Variants in MYH4 observed in about 807,000 individuals in gnomAD.
MYH4 encodes the protein myosin-4.
In MYH4, 200 loss-of-function variants were observed where a neutral mutation model predicts 229.9. That is an observed-to-expected ratio of 0.87 (90% CI 0.78 to 0.98). The LOEUF is 0.98. Ranked by LOEUF, MYH4 falls within the 50% of genes least tolerant of loss-of-function variation. MYH4 has a pLI of 0.00. For missense variants in MYH4, 2,148 were observed against 2,332.6 expected (o/e 0.92, Z 1.63); for synonymous variants, 761 against 834.6 (o/e 0.91, Z 1.52).
intron 5 of MYH4, 24 bp from the exon 6 acceptor site, chr17:10,464,732 A>G (rs754466128): frequency 6.2e-7 from 1 of 1,610,086 alleles, no homozygotes; most frequent in Non-Finnish European, 8.5e-7. Flanking sequence ...GCCAAAGATA[A>G]TATTTAGAAA....
At chr17:10,456,406 A>G in intron 17 of MYH4, 79 bp downstream of exon 17, 2 of 1,184,164 alleles carry the variant, frequency 1.7e-6, no homozygotes, top group South Asian at 1.4e-5. Flanking sequence ...CACCATAAAT[A>G]TCTTTTAAAA....
intron 8 of MYH4, 68 bp downstream of exon 8, chr17:10,463,483 A>G: frequency 6.3e-7 from 1 of 1,577,536 alleles, no homozygotes; most frequent in Non-Finnish European, 8.7e-7. Context: ...AGGTGGAAAA[A>G]ATATTGACAC....
chr17:10,445,304 C>A lies in MYH4; in HGVS notation c.5228G>T (p.Gly1743Val). The A allele has an allele frequency of 6.2e-7, 1 of 1,614,136 alleles. No individual in the cohort carries two copies. Residue 1743 changes from glycine (G) to valine (V), a missense_variant, in exon 36 of 40, where the codon GGA becomes GTA. Coordinates refer to ENST00000255381, the MANE Select transcript of MYH4 (RefSeq NM_017533.2). ...TTCCTGGACGATGTCCTCCATCTCT[C>A]CCTGGATTTGGGAAATGTCTGTTTC... Reference protein sequence around the residue: ...KLETDISQIQGEMEDIVQEAR... With the variant: ...KLETDISQIQVEMEDIVQEAR...
In MYH4 at chr17:10,453,974, A is replaced by G. The variant is rs919394508; in HGVS notation, c.2692-89T>C. 5 of 1,540,148 alleles carry G rather than the reference A, an allele frequency of 3.2e-6. No individual in the cohort carries two copies. The African/African-American group carries it at 6.9e-5, about 21-fold the overall frequency. ...TTATAAGGTGGAAATTTCAGTGACT[A>G]CCTGTTTGGTCAACATGTATACCAG... On this transcript the variant is annotated intron_variant, in intron 22 of 39. Transcript: ENST00000255381.
Position 10,450,482 on chromosome 17 carries a change from G to A in MYH4, c.4152C>T (p.Ile1384=). The change falls in exon 30 of 40, where the codon ATC becomes ATT. Residue 1384 remains isoleucine (I), a synonymous_variant. Coordinates refer to ENST00000255381, the MANE Select transcript of MYH4 (RefSeq NM_017533.2). ...QWRTKYETDA[I]QRTEELEEAK... ...CCTCCTCCAGCTCCTCTGTGCGCTG[G>A]ATGGCGTCCGTCTCGTACTTGGTCC... is the stretch of plus-strand genomic sequence containing the variant. 1 of 1,613,972 alleles carries A rather than the reference G, an allele frequency of 6.2e-7. No individual in the cohort carries two copies. Among genetic ancestry groups the A allele is most frequent in the Middle Eastern group, 1.7e-4 (1 of 6,056 alleles).
rs781080342 is a variant in MYH4, at chr17:10,466,709, C to A, written c.37G>T (p.Ala13Ser). 6.2e-7 allele frequency: 1 copy of A among 1,614,218 alleles called. No homozygotes were observed. The highest frequency in any genetic ancestry group is 2.2e-5 in the East Asian group (1 of 44,892). ...TCAGACTTTCGGAGGAAAGGAGCAGCCTCCCCAAAAATGGCCATCTCAGAG... is the reference window on the plus strand; with the variant it reads ...TCAGACTTTCGGAGGAAAGGAGCAGACTCCCCAAAAATGGCCATCTCAGAG... Reference protein sequence around the residue: ...SDSEMAIFGEAAPFLRKSEKE... With the variant: ...SDSEMAIFGESAPFLRKSEKE... Residue 13 changes from alanine to serine, a missense_variant, in exon 3 of 40, where the codon GCT (alanine) becomes TCT (serine). Coordinates refer to ENST00000255381, the MANE Select transcript of MYH4 (RefSeq NM_017533.2).
intron 14 of MYH4, 130 bp downstream of exon 14, chr17:10,459,822 A>G (rs1454220762): frequency 3.2e-6 from 5 of 1,539,672 alleles, no homozygotes; most frequent in Non-Finnish European, 3.5e-6. Flanking sequence ...TACTTTTCAT[A>G]TCTTTTCAAA....
Position 10,454,729 on chromosome 17 carries a change from CT to C in MYH4, c.2516del (p.Lys839ArgfsTer18). On this transcript the variant is annotated frameshift_variant, in exon 22 of 40. Coordinates refer to ENST00000255381, the MANE Select transcript of MYH4 (RefSeq NM_017533.2). LOFTEE classifies it high-confidence loss of function. ...KHWPWMKLYF[K>X]IKPLLKSAET... ...CTGCACTCTTGAGGAGGGGCTTGAT[CT>C]TGAAATACAGCTTCATCCAGGGCCA... The C allele has an allele frequency of 6.2e-7, 1 of 1,614,174 alleles. No homozygotes were observed. The highest frequency in any genetic ancestry group is 1.1e-5 in the South Asian group (1 of 91,076).
chr17:10,453,233 GGTC>G lies in MYH4; in HGVS notation c.3027_3029del (p.Gln1009_Thr1010delinsHis). 6.2e-7 allele frequency: 1 copy of G among 1,613,968 alleles called. No individual in the cohort carries two copies. The highest frequency in any genetic ancestry group is 2.2e-5 in the East Asian group (1 of 44,860). On this transcript the variant is annotated inframe_deletion, in exon 24 of 40. Transcript: ENST00000255381. Reference sequence around the variant, plus strand: ...CCTCCTCCATCTGCAGGTCATCCAGGGTCTGCTGGTGGGCCTCCTGGAGAGCCT... The same window carrying G: ...CCTCCTCCATCTGCAGGTCATCCAGGTGCTGGTGGGCCTCCTGGAGAGCCT...
At chr17:10,450,932 G>T (rs569457163) in intron 28 of MYH4, 37 bp from the exon 29 acceptor site, 4 of 1,485,470 alleles carry the variant, frequency 2.7e-6, no homozygotes, top group Middle Eastern at 1.7e-4. Flanking sequence ...TAGTTCTGTT[G>T]TCTAGGTAAA....
rs2072492458 is a variant in MYH4 at position 10,444,820 on chromosome 17, C to T, written c.5546G>A (p.Arg1849Lys). The T allele has an allele frequency of 1.2e-6, 2 of 1,614,114 alleles. No homozygotes were observed. The highest frequency in any genetic ancestry group is 1.1e-5 in the South Asian group (1 of 91,080). The part of the protein sequence containing the change: ...EAVKGLRKHE[R>K]RVKELTYQTE... ...CTGGTAAGTGAGTTCCTTCACTCTT[C>T]TCTCATGTTTGCGAAGACCCTTGAC... The change falls in exon 38 of 40, where the codon AGA becomes AAA. Residue 1849 changes from arginine (R) to lysine (K), a missense_variant. Transcript: ENST00000255381.
At position 10,453,875 on chromosome 17, in the gene MYH4, G is replaced by A. The variant is rs1283738337; in HGVS notation, c.2702C>T (p.Ala901Val). The A allele has an allele frequency of 1.2e-6, 2 of 1,613,838 alleles. No homozygotes were observed. The highest frequency in any genetic ancestry group is 1.1e-5 in the South Asian group (1 of 91,068). ...ACATCTTTCCTCTGCATCAGCCAAG[G>A]CATCTGCTTCCTAAAGGGAGAAATT... The part of the protein sequence containing the change: ...LQLQVQAEAD[A>V]LADAEERCDQ... Residue 901 changes from alanine (A) to valine (V), a missense_variant, in exon 23 of 40, where the codon GCC becomes GTC. Coordinates refer to ENST00000255381, the MANE Select transcript of MYH4 (RefSeq NM_017533.2).
intron 33 of MYH4, 127 bp downstream of exon 33, chr17:10,448,269 T>C (rs1178488274): frequency 1.5e-6 from 2 of 1,323,542 alleles, no homozygotes; most frequent in Non-Finnish European, 2.0e-6. Context: ...ATTCTCAAGG[T>C]ACAATTCAGT....
At position 10,451,329 on chromosome 17, in the gene MYH4, A is replaced by G; in HGVS notation, c.3862T>C (p.Ser1288Pro). Residue 1288 changes from serine to proline, a missense_variant, in exon 28 of 40, where the codon TCA (serine) becomes CCA (proline). Physicochemically the swap from Ser to Pro is moderately conservative, Grantham distance 74. Coordinates refer to ENST00000255381, the MANE Select transcript of MYH4 (RefSeq NM_017533.2). The stretch of plus-strand genomic sequence containing the variant: ...TTGATGCTATTTATTTACTGACCTG[A>G]TTCTGTGTGTAAACGTGCCTTCTGG... ...SAQKARLHTE[S>P]GEFSRQLDEK... 2 of 1,613,726 alleles carry G rather than the reference A, an allele frequency of 1.2e-6. No homozygotes were observed. The highest frequency in any genetic ancestry group is 1.7e-6 in the Non-Finnish European group (2 of 1,179,900).
Position 10,451,985 on chromosome 17 carries a change from T to G in MYH4, c.3694A>C (p.Ile1232Leu). The part of the protein sequence containing the change: ...EKEKSELKME[I>L]NDLASNMETV... ...TCCATGTTACTAGCAAGGTCATTGA[T>G]CTCCATCTTCAGCTCACTCTTTTCC... Residue 1232 changes from isoleucine (I) to leucine (L), a missense_variant, in exon 27 of 40, where the codon ATC becomes CTC. Coordinates refer to ENST00000255381, the MANE Select transcript of MYH4 (RefSeq NM_017533.2). The G allele has an allele frequency of 6.2e-7, 1 of 1,613,590 alleles. No homozygotes were observed. The highest frequency in any genetic ancestry group is 8.5e-7 in the Non-Finnish European group (1 of 1,179,722).
chr17:10,456,984 G>A (rs1209759565), intron 16 of MYH4, among the ~76,000 whole-genome samples: 1 of 152,248 alleles, frequency 6.6e-6, no homozygotes, highest in Non-Finnish European at 1.5e-5. Context: ...GCTCCCATTT[G>A]CCTGTGCTTC....
At position 10,462,173 on chromosome 17, in the gene MYH4, T is replaced by TGG. The variant is rs776758263; in HGVS notation, c.1008+691_1008+692insCC. ...CTTGGGGGTATTGGGATAGTCCCAC[T>TGG]GATATTAAAGTTAAAAATAAGGAAG... On this transcript the variant is annotated intron_variant, in intron 11 of 39. Transcript: ENST00000255381. Among the ~76,000 whole-genome samples, 12 of 152,250 alleles carry TGG rather than the reference T, an allele frequency of 7.9e-5. No homozygotes were observed. The South Asian group carries it at 1.9e-3, about 24-fold the overall frequency.
In MYH4 at chr17:10,450,449, A is replaced by G. The variant is rs772428014; in HGVS notation, c.4181+4T>C. ...TCCTGCTCCCCTGCACTAAAAGCAC[A>G]TACTTGGCCTCCTCCAGCTCCTCTG... is the stretch of plus-strand genomic sequence containing the variant. On this transcript the variant is annotated splice_donor_region_variant and intron_variant, in intron 30 of 39. Transcript: ENST00000255381. 1 of 1,613,976 alleles carries G rather than the reference A, an allele frequency of 6.2e-7. No individual in the cohort carries two copies. Among genetic ancestry groups the G allele is most frequent in the Admixed American group, 1.7e-5 (1 of 60,014 alleles).
chr17:10,468,956 C>T (rs562910540), intron 2 of MYH4, among the ~76,000 whole-genome samples: 72 of 152,308 alleles, frequency 4.7e-4, no homozygotes, highest in African/African-American at 1.6e-3. Context: ...CTAGAAATAT[C>T]GACTTCCAGA....
Sources: gnomAD v4.1 joint callset for allele counts (sites outside exome capture counted in the v4.1 genomes callset) on GRCh38, gnomAD v4.1.1 for gene constraint, MANE v1.5 for transcripts, NCBI Gene and HGNC (gene_info 2026-07-23, HGNC 2026-07-21) for gene names.